Variants in CHODL observed in about 807,000 individuals in gnomAD.
The protein encoded by CHODL is chondrolectin, also known as transmembrane protein MT75.
CHODL carries 29 observed loss-of-function variants against 34.5 expected under a neutral mutation model. That is an observed-to-expected ratio of 0.84 (90% CI 0.63 to 1.15). CHODL has a LOEUF of 1.15. CHODL is among the 50% of genes most tolerant of loss of function. The pLI is 0.00. For synonymous variants in CHODL, 125 were observed against 116.1 expected, an observed-to-expected ratio of 1.08 and a Z score of -0.49; for missense variants, 332 against 332.5, an observed-to-expected ratio of 1.00 and a Z score of 0.01.
At chr21:18,083,834 C>T (rs748891200) in intron 2 of CHODL, among the ~76,000 whole-genome samples, 4 of 152,166 alleles carry the variant, frequency 2.6e-5, no homozygotes, top group Non-Finnish European at 4.4e-5. Flanking sequence ...ATTTTATAGG[C>T]TCATGGACAG....
chr21:18,081,250 A>G (rs1378928537), intron 2 of CHODL, among the ~76,000 whole-genome samples: 3 of 152,144 alleles, frequency 2.0e-5, no homozygotes, highest in Non-Finnish European at 4.4e-5. Flanking sequence ...TCCAGATGTT[A>G]CTAGATATAA....
At chr21:18,100,585 G>C (rs894739832) in intron 2 of CHODL, among the ~76,000 whole-genome samples, 1 of 152,034 alleles carries the variant, frequency 6.6e-6, no homozygotes, top group Non-Finnish European at 1.5e-5. Context: ...GACACCTGAA[G>C]AACTACAAAA....
At chr21:17,972,211 A>G (rs2063620841) in intron 1 of CHODL, among the ~76,000 whole-genome samples, 1 of 152,236 alleles carries the variant, frequency 6.6e-6, no homozygotes, top group African/African-American at 2.4e-5. Context: ...AGCTGGAAGC[A>G]TTCCCTTTGA....
intron 2 of CHODL, among the ~76,000 whole-genome samples, chr21:18,197,411 G>T (rs2073601858): frequency 1.3e-5 from 2 of 152,140 alleles, no homozygotes; most frequent in Non-Finnish European, 1.5e-5. Context: ...AGGAGTTCGA[G>T]ACCAACCTGG....
chr21:18,198,706 C>G (rs911446113), intron 2 of CHODL, among the ~76,000 whole-genome samples: 20 of 151,838 alleles, frequency 1.3e-4, no homozygotes, highest in Non-Finnish European at 2.7e-4. Context: ...CCAGGATGTG[C>G]CCATTATATT....
intron 2 of CHODL, among the ~76,000 whole-genome samples, chr21:18,080,344 A>G (rs1380174545): frequency 6.6e-6 from 1 of 151,880 alleles, no homozygotes; most frequent in African/African-American, 2.4e-5. Flanking sequence ...ATTAAGTCTC[A>G]TTTGTTTATC....
At chr21:18,153,897 G>A (rs1211591273) in intron 2 of CHODL, among the ~76,000 whole-genome samples, 1 of 152,068 alleles carries the variant, frequency 6.6e-6, no homozygotes, top group Non-Finnish European at 1.5e-5. Context: ...GGTGGGATGG[G>A]GTTCAGGTGG....
At chr21:18,129,361 C>G (rs908987293) in intron 2 of CHODL, among the ~76,000 whole-genome samples, 2 of 152,016 alleles carry the variant, frequency 1.3e-5, no homozygotes, top group Admixed American at 6.6e-5. Context: ...TTTTGCATGA[C>G]AAGCCTTATT....
chr21:18,172,335 G>A (rs186048264), intron 2 of CHODL, among the ~76,000 whole-genome samples: 20 of 152,226 alleles, frequency 1.3e-4, no homozygotes, highest in African/African-American at 4.1e-4. Context: ...GGAGGTTTCC[G>A]GAGAGCAGCC....
intron 2 of CHODL, among the ~76,000 whole-genome samples, chr21:18,076,549 GA>G (rs1480433364): frequency 6.6e-6 from 1 of 152,156 alleles, no homozygotes; most frequent in African/African-American, 2.4e-5. Context: ...AAAAGAAGCA[GA>G]ACTTGAAGAT....
At chr21:18,156,704 T>C (rs1044959366) in intron 2 of CHODL, among the ~76,000 whole-genome samples, 3 of 152,182 alleles carry the variant, frequency 2.0e-5, no homozygotes, top group Non-Finnish European at 1.5e-5. Context: ...ACGATTGCCA[T>C]GAAACAAACC....
intron 2 of CHODL, among the ~76,000 whole-genome samples, chr21:18,165,714 C>G (rs2073144725): frequency 6.6e-6 from 1 of 152,148 alleles, no homozygotes; most frequent in Admixed American, 6.5e-5. Flanking sequence ...TTTTATTTAT[C>G]AAGAGAGTCA....
At chr21:17,962,042 C>G (rs890365376) in intron 1 of CHODL, among the ~76,000 whole-genome samples, 1 of 152,072 alleles carries the variant, frequency 6.6e-6, no homozygotes, top group South Asian at 2.1e-4. Context: ...CTGGGTAGAT[C>G]AGACTACACC....
intron 2 of CHODL, among the ~76,000 whole-genome samples, chr21:18,133,655 A>C (rs992687470): frequency 6.6e-5 from 10 of 152,180 alleles, no homozygotes; most frequent in African/African-American, 2.4e-4. Context: ...AAGGTTAGGC[A>C]GATTTGCGTA....
At chr21:17,949,922 A>G (rs2063442443) in intron 1 of CHODL, among the ~76,000 whole-genome samples, 1 of 152,210 alleles carries the variant, frequency 6.6e-6, no homozygotes, top group Non-Finnish European at 1.5e-5. Context: ...ATTGAGGAAC[A>G]TCTGCAATTT....
intron 2 of CHODL, among the ~76,000 whole-genome samples, chr21:18,236,051 G>C (rs942233399): frequency 1.3e-5 from 2 of 152,102 alleles, no homozygotes; most frequent in African/African-American, 4.8e-5. Context: ...TCACGCTGCT[G>C]TAAAGAACTG....
chr21:18,002,685 C>G (rs942811141), intron 1 of CHODL, among the ~76,000 whole-genome samples: 7 of 152,300 alleles, frequency 4.6e-5, no homozygotes, highest in Non-Finnish European at 7.4e-5. Flanking sequence ...GCCCCATAGC[C>G]TCATGGAGTG....
chr21:18,061,749 G>A (rs780569481), intron 2 of CHODL, among the ~76,000 whole-genome samples: 3 of 152,158 alleles, frequency 2.0e-5, no homozygotes, highest in Non-Finnish European at 4.4e-5. Context: ...TGCAAAAGTA[G>A]GCATCAGCAA....
At chr21:18,064,119 C>T (rs1370856988) in intron 2 of CHODL, among the ~76,000 whole-genome samples, 1 of 152,154 alleles carries the variant, frequency 6.6e-6, no homozygotes, top group Non-Finnish European at 1.5e-5. Flanking sequence ...TTTGTTAGCA[C>T]TCATCACAAT....
Sources: gnomAD v4.1 joint callset for allele counts (sites outside exome capture counted in the v4.1 genomes callset) on GRCh38, gnomAD v4.1.1 for gene constraint, MANE v1.5 for transcripts, NCBI Gene and HGNC (gene_info 2026-07-23, HGNC 2026-07-21) for gene names.